KCNIP4: variants seen among roughly 807,000 people sequenced by gnomAD.
KCNIP4 encodes Kv channel-interacting protein 4.
KCNIP4 carries 12 observed loss-of-function variants against 34.0 expected under a neutral mutation model. That is an observed-to-expected ratio of 0.35 (90% CI 0.23 to 0.57). The LOEUF (loss-of-function observed/expected upper bound fraction) is 0.57. KCNIP4 is among the 20% of genes least tolerant of loss of function. The probability of loss-of-function intolerance (pLI) is 0.83; values close to 1 mark genes in which losing one functional copy is unlikely to be tolerated. For synonymous variants in KCNIP4, 124 were observed against 102.2 expected (o/e 1.21, Z -1.29); for missense variants, 238 against 311.7 (o/e 0.76, Z 1.78).
intron 1 of KCNIP4, among the ~76,000 whole-genome samples, chr4:21,684,243 A>G (rs1750641208): frequency 6.6e-6 from 1 of 152,218 alleles, no homozygotes; most frequent in Non-Finnish European, 1.5e-5. Context: ...GCGTTTTAGA[A>G]GCTGGAATGG....
chr4:20,963,557 G>C (rs1734062353), intron 1 of KCNIP4, among the ~76,000 whole-genome samples: 1 of 151,542 alleles, frequency 6.6e-6, no homozygotes, highest in Non-Finnish European at 1.5e-5. Flanking sequence ...GTGTACTATG[G>C]ATTAAAAAAA....
chr4:21,078,502 C>T (rs1560701911), intron 1 of KCNIP4, among the ~76,000 whole-genome samples: 1 of 151,898 alleles, frequency 6.6e-6, no homozygotes, highest in Non-Finnish European at 1.5e-5. Flanking sequence ...TGTGCCTCTT[C>T]TTATAAGAGC....
intron 2 of KCNIP4, among the ~76,000 whole-genome samples, chr4:20,851,450 T>C (rs1191486700): frequency 2.0e-5 from 3 of 152,208 alleles, no homozygotes; most frequent in African/African-American, 7.2e-5. Context: ...GCGGTTAGGT[T>C]GATTCTGTGA....
intron 1 of KCNIP4, among the ~76,000 whole-genome samples, chr4:20,887,146 A>G (rs531438292): frequency 6.6e-6 from 1 of 152,034 alleles, no homozygotes; most frequent in Non-Finnish European, 1.5e-5. Context: ...ACTTAACAGC[A>G]GACTGAGAAC....
intron 1 of KCNIP4, among the ~76,000 whole-genome samples, chr4:21,320,342 C>T (rs188117693): frequency 3.9e-4 from 59 of 152,258 alleles, no homozygotes; most frequent in African/African-American, 1.4e-3. Flanking sequence ...AGGTGCCTGG[C>T]TAAGCAGGGG....
chr4:21,146,908 G>C (rs10938834), intron 1 of KCNIP4, among the ~76,000 whole-genome samples: 23,785 of 151,906 alleles, frequency 0.16, 1,954 homozygotes, highest in Middle Eastern at 0.22. Flanking sequence ...GTGGTACATC[G>C]CTGTATATAC....
intron 1 of KCNIP4, among the ~76,000 whole-genome samples, chr4:21,262,762 T>C (rs1304907718): frequency 3.3e-5 from 5 of 152,236 alleles, no homozygotes; most frequent in Non-Finnish European, 7.3e-5. Context: ...TTTTACTCAA[T>C]TACTCTCCAT....
chr4:21,296,686 T>C (rs1763858941), intron 1 of KCNIP4, among the ~76,000 whole-genome samples: 1 of 152,114 alleles, frequency 6.6e-6, no homozygotes, highest in Non-Finnish European at 1.5e-5. Context: ...TCTGTGTTCT[T>C]AGTTTCTACA....
At chr4:21,294,471 TCC>T in intron 1 of KCNIP4, among the ~76,000 whole-genome samples, 1 of 152,148 alleles carries the variant, frequency 6.6e-6, no homozygotes, top group East Asian at 1.9e-4. Context: ...CTGGGCATAA[TCC>T]AATAAAACTA....
chr4:21,691,453 T>C (rs891985091), intron 1 of KCNIP4, among the ~76,000 whole-genome samples: 2 of 152,122 alleles, frequency 1.3e-5, no homozygotes, highest in African/African-American at 4.8e-5. Flanking sequence ...CATTACCCCT[T>C]ATTGCTCCAA....
chr4:21,683,289 GT>G (rs747824505), intron 1 of KCNIP4, among the ~76,000 whole-genome samples: 25 of 151,734 alleles, frequency 1.6e-4, no homozygotes, highest in Non-Finnish European at 2.9e-4. Flanking sequence ...ATTACACATT[GT>G]GTCAGGCTCT....
intron 1 of KCNIP4, among the ~76,000 whole-genome samples, chr4:21,720,015 G>C (rs1577899560): frequency 8.9e-6 from 1 of 112,888 alleles, no homozygotes; most frequent in Non-Finnish European, 1.6e-5. Context: ...AGAAGAAGAA[G>C]AAGGAGAAGG....
Position 21,044,263 on chromosome 4 carries a change from A to G in KCNIP4, c.62-161554T>C, listed in dbSNP as rs184908607. On this transcript the variant is annotated intron_variant, in intron 1 of 8. Coordinates refer to ENST00000382152, the MANE Select transcript of KCNIP4 (RefSeq NM_025221.6). ...TCCTATGGACTCTGTTTTCTCACCA[A>G]TAATTACCTCCTGAACAGGCTGCAC... is the stretch of plus-strand genomic sequence containing the variant. Among the ~76,000 whole-genome samples the G allele has an allele frequency of 3.3e-3, 496 of 152,090 alleles. 3 individuals carry two copies. Among genetic ancestry groups the G allele is most frequent in the African/African-American group, 0.011 (451 of 41,472 alleles).
intron 1 of KCNIP4, among the ~76,000 whole-genome samples, chr4:21,594,003 T>C (rs1158258001): frequency 6.6e-6 from 1 of 152,072 alleles, no homozygotes; most frequent in Non-Finnish European, 1.5e-5. Context: ...TTACTTAGTA[T>C]ACCTTGGGGC....
At chr4:21,605,601 C>T (rs1743581866) in intron 1 of KCNIP4, among the ~76,000 whole-genome samples, 1 of 152,116 alleles carries the variant, frequency 6.6e-6, no homozygotes, top group African/African-American at 2.4e-5. Context: ...CTGCCTCAGC[C>T]TCCAGAGTAG....
At chr4:21,468,587 G>A (rs1730190199) in intron 1 of KCNIP4, among the ~76,000 whole-genome samples, 1 of 152,060 alleles carries the variant, frequency 6.6e-6, no homozygotes, top group Admixed American at 6.6e-5. Context: ...CCACTCTCTG[G>A]GGACGAGTCA....
chr4:21,436,565 A>G (rs1474212368), intron 1 of KCNIP4, among the ~76,000 whole-genome samples: 1 of 152,182 alleles, frequency 6.6e-6, no homozygotes, highest in East Asian at 1.9e-4. Context: ...CGATGGAGTG[A>G]CTTTGTTTAG....
chr4:21,559,646 T>C (rs896865197), intron 1 of KCNIP4, among the ~76,000 whole-genome samples: 2 of 152,124 alleles, frequency 1.3e-5, no homozygotes, highest in Non-Finnish European at 1.5e-5. Flanking sequence ...TGGTAACTTA[T>C]GGGGTCTTGA....
At chr4:21,040,418 G>A (rs920409444) in intron 1 of KCNIP4, among the ~76,000 whole-genome samples, 6 of 152,200 alleles carry the variant, frequency 3.9e-5, no homozygotes, top group African/African-American at 1.4e-4. Context: ...GTTACAGCTG[G>A]CTATTTTCCA....
Sources: allele counts gnomAD v4.1 joint callset (sites outside exome capture counted in the v4.1 genomes callset), GRCh38; gene constraint gnomAD v4.1.1; transcripts MANE v1.5; gene names NCBI Gene and HGNC (gene_info 2026-07-23, HGNC 2026-07-21).